The following TENM3 variants were observed in gnomAD, a reference collection of about 807,000 sequenced individuals.
TENM3 encodes the protein teneurin-3.
TENM3 carries 63 observed loss-of-function variants against 255.1 expected under a neutral mutation model. The ratio of observed to expected loss-of-function variants is 0.25; its 90% CI spans 0.20 to 0.30. The LOEUF (loss-of-function observed/expected upper bound fraction) is 0.30, where lower values mean the gene tolerates loss of function less well. TENM3 is among the 10% of genes least tolerant of loss of function. TENM3 has a pLI of 1.00. For synonymous variants in TENM3, 1,306 were observed against 1,322.3 expected (o/e 0.99, Z 0.27); for missense variants, 2,929 against 3,461.1 (o/e 0.85, Z 3.86).
chr4:182,728,117 G>A (rs1760376074), intron 13 of TENM3, among the ~76,000 whole-genome samples: 1 of 152,094 alleles, frequency 6.6e-6, no homozygotes, highest in African/African-American at 2.4e-5. Context: ...CCAGAGTGCT[G>A]GGATTACAAG....
the TENM3 span, among the ~76,000 whole-genome samples, chr4:182,009,946 G>A: frequency 5.3e-5 from 8 of 152,158 alleles, no homozygotes; most frequent in African/African-American, 1.7e-4. Context: ...TGGGGGGAGG[G>A]GGTTCCCCTT....
the TENM3 span, among the ~76,000 whole-genome samples, chr4:181,568,869 G>A: frequency 2.0e-5 from 3 of 152,130 alleles, no homozygotes; most frequent in East Asian, 5.8e-4. Context: ...CTATAAAGTT[G>A]TAATCCTTTG....
At chr4:182,115,528 T>C in the TENM3 span, among the ~76,000 whole-genome samples, 1 of 152,154 alleles carries the variant, frequency 6.6e-6, no homozygotes, top group African/African-American at 2.4e-5. Context: ...CAATGAGAAG[T>C]AGGCTTTTCC....
At chr4:182,752,196 A>T (rs1561200145) in intron 20 of TENM3, among the ~76,000 whole-genome samples, 164 bp downstream of exon 20, 1 of 152,250 alleles carries the variant, frequency 6.6e-6, no homozygotes, top group South Asian at 2.1e-4. Flanking sequence ...TTTAAAAGCC[A>T]TGTAGCATGA....
chr4:182,379,745 G>A (rs373674037), intron 3 of TENM3, among the ~76,000 whole-genome samples: 5 of 152,192 alleles, frequency 3.3e-5, no homozygotes, highest in South Asian at 2.1e-4. Flanking sequence ...GAGCCAGGCC[G>A]TCTGGCCCCA....
the TENM3 span, among the ~76,000 whole-genome samples, chr4:182,062,738 T>C: frequency 6.6e-6 from 1 of 152,208 alleles, no homozygotes; most frequent in Non-Finnish European, 1.5e-5. Context: ...GGACTCCAAG[T>C]GGTTTTGAGA....
the TENM3 span, among the ~76,000 whole-genome samples, chr4:181,870,369 A>G: frequency 6.6e-6 from 1 of 152,154 alleles, no homozygotes; most frequent in African/African-American, 2.4e-5. Context: ...TGGTTAGCTT[A>G]TAACACACTG....
At chr4:181,883,093 G>A in the TENM3 span, among the ~76,000 whole-genome samples, 1 of 118,966 alleles carries the variant, frequency 8.4e-6, no homozygotes, top group African/African-American at 3.1e-5. Flanking sequence ...AAGCAGTTGT[G>A]CTTATTAAAT....
At chr4:182,787,139 G>T (rs913485159) in intron 24 of TENM3, among the ~76,000 whole-genome samples, 4 of 152,194 alleles carry the variant, frequency 2.6e-5, no homozygotes. Context: ...TTCACATAAG[G>T]CAGGGAGCAA....
intron 3 of TENM3, among the ~76,000 whole-genome samples, chr4:182,378,588 G>A (rs893481028): frequency 1.3e-5 from 2 of 152,154 alleles, no homozygotes; most frequent in Non-Finnish European, 2.9e-5. Context: ...GACCCCAGGA[G>A]TGCAAGAGCT....
chr4:181,840,592 T>C, the TENM3 span, among the ~76,000 whole-genome samples: 2 of 152,086 alleles, frequency 1.3e-5, no homozygotes, highest in African/African-American at 2.4e-5. Flanking sequence ...CTAGGGTACG[T>C]TTCCAACCTT....
chr4:181,742,650 T>C, the TENM3 span, among the ~76,000 whole-genome samples: 1 of 151,418 alleles, frequency 6.6e-6, no homozygotes, highest in South Asian at 2.1e-4. Flanking sequence ...TTGGAAGTGC[T>C]TTTTTTTGCT....
At chr4:182,408,309 A>G (rs1769730947) in intron 3 of TENM3, among the ~76,000 whole-genome samples, 1 of 152,200 alleles carries the variant, frequency 6.6e-6, no homozygotes, top group Non-Finnish European at 1.5e-5. Flanking sequence ...AGGCCCTTTC[A>G]TCCATATTCC....
intron 3 of TENM3, among the ~76,000 whole-genome samples, chr4:182,359,164 A>G (rs1157442676): frequency 1.3e-5 from 2 of 152,120 alleles, no homozygotes; most frequent in Non-Finnish European, 2.9e-5. Flanking sequence ...CATCAAGGAT[A>G]TTGGTCTAAA....
chr4:182,609,334 G>A (rs1202398861), intron 4 of TENM3, among the ~76,000 whole-genome samples: 1 of 152,150 alleles, frequency 6.6e-6, no homozygotes, highest in Non-Finnish European at 1.5e-5. Flanking sequence ...CCCTGTCAAA[G>A]ATAATTGCAT....
chr4:182,380,197 G>T (rs945033648), intron 3 of TENM3, among the ~76,000 whole-genome samples: 2 of 152,186 alleles, frequency 1.3e-5, no homozygotes, highest in African/African-American at 2.4e-5. Flanking sequence ...CTTGAACCCG[G>T]GAGGCAGAGG....
Position 182,601,019 on chromosome 4 carries a change from C to T in TENM3, c.607C>T (p.Leu203Phe). 1 of 1,608,430 alleles carries T rather than the reference C, an allele frequency of 6.2e-7. No homozygotes were observed. The highest frequency in any genetic ancestry group is 8.5e-7 in the Non-Finnish European group (1 of 1,177,656). ...ACAGCATCATCCATCCATCACTTCT[C>T]TCAACAGAAACTCCCTGACCAATAG... is the stretch of plus-strand genomic sequence containing the variant. ...SAQHHPSITS[L>F]NRNSLTNRRN... The change falls in exon 4 of 28, where the codon CTC becomes TTC. Residue 203 changes from leucine to phenylalanine, a missense_variant. Coordinates refer to ENST00000511685, the MANE Select transcript of TENM3 (RefSeq NM_001080477.4).
At chr4:182,246,089 G>A (rs1347624598) in intron 1 of TENM3, among the ~76,000 whole-genome samples, 1 of 152,086 alleles carries the variant, frequency 6.6e-6, no homozygotes, top group Non-Finnish European at 1.5e-5. Flanking sequence ...GGCAGCAACC[G>A]CTATGGCAGA....
chr4:182,402,906 T>C (rs114484797), intron 3 of TENM3, among the ~76,000 whole-genome samples: 59 of 152,356 alleles, frequency 3.9e-4, no homozygotes, highest in African/African-American at 1.4e-3. Flanking sequence ...TTTTGTTCTT[T>C]CTCTGACAAA....
Sources: allele counts gnomAD v4.1 joint callset (sites outside exome capture counted in the v4.1 genomes callset), GRCh38; gene constraint gnomAD v4.1.1; transcripts MANE v1.5; gene names NCBI Gene and HGNC (gene_info 2026-07-23, HGNC 2026-07-21).